The following CCDC85C variants were observed in gnomAD, a reference collection of about 807,000 sequenced individuals.
The protein encoded by CCDC85C is coiled-coil domain containing 85C.
CCDC85C carries 18 observed loss-of-function variants against 38.3 expected under a neutral mutation model. That is an observed-to-expected ratio of 0.47 (90% CI 0.33 to 0.70). The LOEUF (loss-of-function observed/expected upper bound fraction) is 0.70, where lower values mean the gene tolerates loss of function less well. Among genes scored for constraint, CCDC85C ranks in the 30% least tolerant of loss-of-function variants. The pLI is 0.03. For synonymous variants in CCDC85C, 264 were observed against 293.8 expected, an observed-to-expected ratio of 0.90 and a Z score of 1.04; for missense variants, 566 against 621.2, an observed-to-expected ratio of 0.91 and a Z score of 0.94.
chr14:99,510,455 C>G lies in CCDC85C; in HGVS notation c.*4791G>C. On this transcript the variant is annotated 3_prime_UTR_variant, in exon 6 of 6. Transcript: ENST00000380243. ...CCTACGGCCCACCTGCACACCTGCC[C>G]TACCACCCCCATGTCTACCCGCCCA... The G allele has an allele frequency of 2.6e-6, 4 of 1,533,974 alleles. No homozygotes were observed. The highest frequency in any genetic ancestry group is 3.5e-6 in the Non-Finnish European group (4 of 1,138,234).
At chr14:99,550,331 G>A (rs942885107) in intron 1 of CCDC85C, among the ~76,000 whole-genome samples, 2 of 152,178 alleles carry the variant, frequency 1.3e-5, no homozygotes, top group African/African-American at 2.4e-5. Flanking sequence ...ATGTGACCAC[G>A]GTGGGGTGGC....
intron 1 of CCDC85C, among the ~76,000 whole-genome samples, chr14:99,577,986 G>A (rs1402002949): frequency 1.4e-5 from 2 of 141,410 alleles, no homozygotes; most frequent in Non-Finnish European, 3.0e-5. Flanking sequence ...ATCCATCGGT[G>A]TGTTTGTGTG....
chr14:99,578,308 AGTGTGTGTGTGTGT>A (rs144925029), intron 1 of CCDC85C, among the ~76,000 whole-genome samples: 6 of 104,656 alleles, frequency 5.7e-5, no homozygotes, highest in African/African-American at 2.4e-4. Flanking sequence ...ATCCCCCATC[AGTGTGTGTGTGTGT>A]GTGTGTGTGT....
At position 99,516,170 on chromosome 14, in the gene CCDC85C, C is replaced by G. The variant is rs953555275; in HGVS notation, c.1170+18G>C. The G allele has an allele frequency of 2.6e-6, 4 of 1,546,146 alleles. No homozygotes were observed. Among genetic ancestry groups the G allele is most frequent in the South Asian group, 2.4e-5 (2 of 83,984 alleles). ...CTCCCAGTGCCAAGCCTCTGCCCCC[C>G]ACCCCTGGAAGCCTCACGTTGCACA... is the stretch of plus-strand genomic sequence containing the variant. On this transcript the variant is annotated intron_variant, in intron 5 of 5. Coordinates refer to ENST00000380243, the MANE Select transcript of CCDC85C (RefSeq NM_001144995.2). This position sits in a 1 kb window ranked among gnomAD's most constrained non-coding sequence, Gnocchi z 5.5.
chr14:99,553,445 A>G (rs1595359906), intron 1 of CCDC85C, among the ~76,000 whole-genome samples: 1 of 151,734 alleles, frequency 6.6e-6, no homozygotes, highest in African/African-American at 2.4e-5. Context: ...GCTCACTGCA[A>G]CCTCCGCCTC....
intron 1 of CCDC85C, among the ~76,000 whole-genome samples, chr14:99,586,589 A>G (rs1420659604): frequency 6.6e-6 from 1 of 152,198 alleles, no homozygotes; most frequent in South Asian, 2.1e-4. Context: ...TACAACACTC[A>G]GGCAGCCCCG....
chr14:99,503,256 G>A lies in CCDC85C; in HGVS notation c.*11990C>T, dbSNP rs546183632. The A allele has an allele frequency of 2.3e-5, 15 of 641,390 alleles. No individual in the cohort carries two copies. Among genetic ancestry groups the A allele is most frequent in the South Asian group, 5.2e-5 (3 of 57,700 alleles). The allele number at this position is 641,390 out of a possible 1,614,324, so 39.7% of individuals were successfully genotyped here. ...CAGGGTTCTGAAGCCTGTCGGTGTC[G>A]TTGCCGTGTCCTAGCAGTGTCGTTG... On this transcript the variant is annotated 3_prime_UTR_variant, in exon 6 of 6. Coordinates refer to ENST00000380243, the MANE Select transcript of CCDC85C (RefSeq NM_001144995.2).
In CCDC85C at chr14:99,509,986, G is replaced by A. The variant is rs1897079166; in HGVS notation, c.*5260C>T. 3 of 653,612 alleles carry A rather than the reference G, an allele frequency of 4.6e-6. No homozygotes were observed. The East Asian group carries it at 8.3e-5, about 18-fold the overall frequency. The allele number at this position is 653,612 out of a possible 1,614,324, so 40.5% of individuals were successfully genotyped here. A position where few individuals can be genotyped will look rare whatever the true frequency, so the allele number is the denominator to read the frequency against. ...GAGGGCCTTCTTGACAGATGGTGGG[G>A]AGACATCTGGTGGCATCAGGACATG... On this transcript the variant is annotated 3_prime_UTR_variant, in exon 6 of 6. Transcript: ENST00000380243.
At chr14:99,566,917 C>T (rs117486772) in intron 1 of CCDC85C, among the ~76,000 whole-genome samples, 1,756 of 152,342 alleles carry the variant, frequency 0.012, 15 homozygotes, top group Non-Finnish European at 0.018. Context: ...TGGCGGCCTG[C>T]CGTGCCCTGG....
intron 1 of CCDC85C, among the ~76,000 whole-genome samples, chr14:99,575,039 A>T (rs920678110): frequency 6.6e-6 from 1 of 152,210 alleles, no homozygotes; most frequent in African/African-American, 2.4e-5. Flanking sequence ...TCGAGACTGC[A>T]GCCAGAGGGT....
chr14:99,602,147 G>C (rs1369769109), intron 1 of CCDC85C, among the ~76,000 whole-genome samples: 1 of 152,252 alleles, frequency 6.6e-6, no homozygotes, highest in Non-Finnish European at 1.5e-5. Flanking sequence ...TGGAAGCCAA[G>C]CTACCAAAAA....
intron 2 of CCDC85C, among the ~76,000 whole-genome samples, chr14:99,531,165 G>A (rs1486377303): frequency 6.6e-6 from 1 of 152,120 alleles, no homozygotes; most frequent in Non-Finnish European, 1.5e-5. Context: ...GGGGAGAGGA[G>A]GAGGGTGGGC....
chr14:99,519,650 C>T (rs562969281), intron 3 of CCDC85C, among the ~76,000 whole-genome samples: 2 of 152,088 alleles, frequency 1.3e-5, no homozygotes, highest in African/African-American at 4.8e-5. Context: ...AACATGGAAA[C>T]GATCCAAATG....
chr14:99,561,821 G>A (rs180870330), intron 1 of CCDC85C, among the ~76,000 whole-genome samples: 2 of 152,342 alleles, frequency 1.3e-5, no homozygotes, highest in Admixed American at 1.3e-4. Context: ...GACGGCCTTA[G>A]GTTTTGGAAC....
rs1462983865 is a variant in CCDC85C at position 99,514,574 on chromosome 14, G to A, written c.*672C>T. The A allele has an allele frequency of 3.3e-5, 5 of 152,708 alleles. No homozygotes were observed. Among genetic ancestry groups the A allele is most frequent in the East Asian group, 1.9e-4 (1 of 5,210 alleles). 9.5% of individuals were successfully genotyped at this position (152,708 alleles called of 1,614,324 possible). ...GGCAGGGGGACATTGCAGAGACTGG[G>A]GGGGAGGGGGATGACCTCCAAAAGC... On this transcript the variant is annotated 3_prime_UTR_variant, in exon 6 of 6. Transcript: ENST00000380243.
rs1264604832 is a variant in CCDC85C, at chr14:99,512,406, G to A, written c.*2840C>T. 6.6e-6 allele frequency: 1 copy of A among 150,590 alleles called. No homozygotes were observed. Among genetic ancestry groups the A allele is most frequent in the Non-Finnish European group, 1.5e-5 (1 of 67,948 alleles). 9.3% of individuals were successfully genotyped at this position (150,590 alleles called of 1,614,324 possible). A position where few individuals can be genotyped will look rare whatever the true frequency, so the allele number is the denominator to read the frequency against. ...GAAAAATATACACCTCTACCGCTCTGCAGTCATGCATTTAGTTTTAAGAAA... is the reference window on the plus strand; with the variant it reads ...GAAAAATATACACCTCTACCGCTCTACAGTCATGCATTTAGTTTTAAGAAA... On this transcript the variant is annotated 3_prime_UTR_variant, in exon 6 of 6. Transcript: ENST00000380243.
intron 1 of CCDC85C, among the ~76,000 whole-genome samples, chr14:99,566,791 G>A (rs1348723381): frequency 6.6e-6 from 1 of 152,176 alleles, no homozygotes; most frequent in Non-Finnish European, 1.5e-5. Context: ...TCCCAACGAG[G>A]GGGCCTGCAG....
rs113677943 is a variant in CCDC85C at position 99,572,678 on chromosome 14, C to T, written c.793+30489G>A. 8.3e-5 allele frequency: 38 copies of T among 456,036 alleles called. No individual in the cohort carries two copies. Among genetic ancestry groups the T allele is most frequent in the Middle Eastern group, 3.3e-4 (1 of 3,066 alleles). The allele number at this position is 456,036 out of a possible 1,614,324, so 28.2% of individuals were successfully genotyped here. ...GTGACCTGGCCCCTCCTTAAGAGGC[C>T]TCCCCTGCCACCATCTGTTTTCTGC... is the stretch of plus-strand genomic sequence containing the variant. On this transcript the variant is annotated intron_variant, in intron 1 of 5. Coordinates refer to ENST00000380243, the MANE Select transcript of CCDC85C (RefSeq NM_001144995.2). The surrounding 1 kb of genome is among the most constrained non-coding windows in gnomAD (Gnocchi z 4.4).
chr14:99,594,941 G>T (rs1463549469), intron 1 of CCDC85C, among the ~76,000 whole-genome samples: 1 of 152,260 alleles, frequency 6.6e-6, no homozygotes, highest in Admixed American at 6.5e-5. Context: ...GCAGGGGAAA[G>T]ATGGGGATAA....
Sources: allele counts gnomAD v4.1 joint callset (sites outside exome capture counted in the v4.1 genomes callset), GRCh38; gene constraint gnomAD v4.1.1; non-coding constraint Gnocchi (gnomAD v3.1); transcripts MANE v1.5; gene names NCBI Gene and HGNC (gene_info 2026-07-23, HGNC 2026-07-21).